The following FCN1 variants were observed in gnomAD, a reference collection of about 807,000 sequenced individuals.
The protein encoded by FCN1 is ficolin-1.
FCN1 carries 42 observed loss-of-function variants against 35.6 expected under a neutral mutation model. The ratio of observed to expected loss-of-function variants is 1.18; its 90% CI spans 0.92 to 1.53. The LOEUF (loss-of-function observed/expected upper bound fraction) is 1.53, where lower values mean the gene tolerates loss of function less well. FCN1 is among the 40% of genes most tolerant of loss of function. The probability of loss-of-function intolerance (pLI) is 0.00; values close to 1 mark genes in which losing one functional copy is unlikely to be tolerated. For synonymous variants in FCN1, 179 were observed against 169.8 expected (o/e 1.05, Z -0.42); for missense variants, 439 against 428.4 (o/e 1.02, Z -0.22).
In FCN1 at chr9:134,910,006, G is replaced by A. The variant is rs879636009; in HGVS notation, c.773C>T (p.Thr258Ile). 5 of 1,614,018 alleles carry A rather than the reference G, an allele frequency of 3.1e-6. No individual in the cohort carries two copies. The highest frequency in any genetic ancestry group is 1.3e-5 in the African/African-American group (1 of 74,886). ...LTGHNNNFFS[T>I]KDQDNDVSSS... ...ACTCACATCATTGTCTTGGTCTTTG[G>A]TGGAGAAGAAGTTGTTGTTGTGGCC... is the stretch of plus-strand genomic sequence containing the variant. Residue 258 changes from threonine (T) to isoleucine (I), a missense_variant, in exon 9 of 9, where the codon ACC becomes ATC. By Grantham distance (89) the Thr-to-Ile change is moderately conservative. Coordinates refer to ENST00000371806, the MANE Select transcript of FCN1 (RefSeq NM_002003.5).
At position 134,916,371 on chromosome 9, in the gene FCN1, T is replaced by A; in HGVS notation, c.194A>T (p.Glu65Val). 1 of 1,614,026 alleles carries A rather than the reference T, an allele frequency of 6.2e-7. No homozygotes were observed. Residue 65 changes from glutamate (E) to valine (V), a missense_variant, in exon 2 of 9, where the codon GAG becomes GTG. Physicochemically the swap from Glu to Val is moderately radical, Grantham distance 121. Transcript: ENST00000371806. ...ACCTCTCTCTCCAATGACACCTGCC[T>A]CTCCCTTTGGCCCTGGGGCCCCGGG... ...GLPGAPGPKG[E>V]AGVIGERGER...
intron 8 of FCN1, 145 bp downstream of exon 8, chr9:134,910,988 A>T: frequency 1.1e-6 from 1 of 872,890 alleles, no homozygotes; most frequent in Non-Finnish European, 1.8e-6. Context: ...CACGCTGTAC[A>T]GAGACACAAA....
Position 134,909,652 on chromosome 9 carries a change from G to A in FCN1, c.*146C>T, listed in dbSNP as rs769365850. The A allele has an allele frequency of 1.2e-5, 19 of 1,592,306 alleles. No homozygotes were observed. Among genetic ancestry groups the A allele is most frequent in the Middle Eastern group, 3.3e-4 (2 of 6,040 alleles). On this transcript the variant is annotated 3_prime_UTR_variant, in exon 9 of 9. Coordinates refer to ENST00000371806, the MANE Select transcript of FCN1 (RefSeq NM_002003.5). ...CCTCTGGTGAGGTTGTGGGCATGTG[G>A]CGGCTTGACTGAGCTGGGGGCAAAG... is the stretch of plus-strand genomic sequence containing the variant.
rs534855700 is a variant in FCN1 at position 134,909,136 on chromosome 9, G to A, written c.*662C>T. ...CTGTGTGTGGGAGGAAGGCCTCTTC[G>A]GAATCTTCTCTGTGCAGGTGGCTGA... On this transcript the variant is annotated 3_prime_UTR_variant, in exon 9 of 9. Transcript: ENST00000371806. The A allele has an allele frequency of 1.3e-5, 15 of 1,172,864 alleles. No homozygotes were observed. The African/African-American group carries it at 1.9e-4, about 15-fold the overall frequency. The allele number at this position is 1,172,864 out of a possible 1,614,324, so 72.7% of individuals were successfully genotyped here.
intron 4 of FCN1, among the ~76,000 whole-genome samples, 176 bp downstream of exon 4, chr9:134,914,209 G>A (rs545515451): frequency 9.8e-5 from 15 of 152,332 alleles, no homozygotes; most frequent in African/African-American, 3.1e-4. Context: ...GTAGACACCA[G>A]GGTTTGAGCC....
Position 134,904,928 on chromosome 9 carries a change from TG to T in FCN1, c.*4869del, listed in dbSNP as rs1830922662. On this transcript the variant is annotated 3_prime_UTR_variant, in exon 9 of 9. Coordinates refer to ENST00000371806, the MANE Select transcript of FCN1 (RefSeq NM_002003.5). Reference sequence around the variant, plus strand: ...AAATGTGGTAAAAATGAATACGGACTGCACAAAACAATACTAATAGCCATTT... The same window carrying T: ...AAATGTGGTAAAAATGAATACGGACTCACAAAACAATACTAATAGCCATTT... Among the ~76,000 whole-genome samples, 1 of 152,132 alleles carries T rather than the reference TG, an allele frequency of 6.6e-6. No individual in the cohort carries two copies. Among genetic ancestry groups the T allele is most frequent in the Non-Finnish European group, 1.5e-5 (1 of 68,028 alleles).
At position 134,916,253 on chromosome 9, in the gene FCN1, C is replaced by A. The variant is rs1379567268; in HGVS notation, c.217+95G>T. On this transcript the variant is annotated intron_variant, in intron 2 of 8. Transcript: ENST00000371806. ...ACCCAGGCTCTTGATCTAGGAACCACGGTGGGGGTGTTGCCCAACTCTGCA... is the reference window on the plus strand; with the variant it reads ...ACCCAGGCTCTTGATCTAGGAACCAAGGTGGGGGTGTTGCCCAACTCTGCA... The A allele has an allele frequency of 1.7e-5, 16 of 960,768 alleles. No individual in the cohort carries two copies. In the Admixed American group the frequency reaches 2.8e-4, roughly 17 times the overall value. The allele number at this position is 960,768 out of a possible 1,614,324, so 59.5% of individuals were successfully genotyped here.
chr9:134,916,591 G>A (rs962542828), intron 1 of FCN1, 130 bp from the exon 2 acceptor site: 16 of 912,842 alleles, frequency 1.8e-5, no homozygotes, highest in Middle Eastern at 3.2e-4. Flanking sequence ...TGTGATGGGG[G>A]GCAGAGCTCT....
intron 3 of FCN1, 27 bp downstream of exon 3, chr9:134,914,729 C>A (rs770392700): frequency 1.3e-6 from 2 of 1,586,314 alleles, no homozygotes; most frequent in Admixed American, 3.4e-5. Context: ...CTGCTCAAGG[C>A]CTCCTCGCTG....
rs539893739 is a variant in FCN1, at chr9:134,909,734, C to T, written c.*64G>A. 3.8e-5 allele frequency: 61 copies of T among 1,600,096 alleles called. No homozygotes were observed. Among genetic ancestry groups the T allele is most frequent in the East Asian group, 1.8e-4 (8 of 44,802 alleles). Reference sequence around the variant, plus strand: ...GGCTGGGGAAATGGGGTGACTTCCACGACGCAGCGCTTGTGGGTGTGGCCT... The same window carrying T: ...GGCTGGGGAAATGGGGTGACTTCCATGACGCAGCGCTTGTGGGTGTGGCCT... On this transcript the variant is annotated 3_prime_UTR_variant, in exon 9 of 9. Transcript: ENST00000371806.
At chr9:134,915,963 C>T (rs761317223) in intron 2 of FCN1, among the ~76,000 whole-genome samples, 4 of 152,208 alleles carry the variant, frequency 2.6e-5, no homozygotes, top group Admixed American at 6.5e-5. Context: ...CCTGTGACCT[C>T]TTTGAGTCTC....
At position 134,905,185 on chromosome 9, in the gene FCN1, G is replaced by A. The variant is rs1377653154; in HGVS notation, c.*4613C>T. On this transcript the variant is annotated 3_prime_UTR_variant, in exon 9 of 9. Coordinates refer to ENST00000371806, the MANE Select transcript of FCN1 (RefSeq NM_002003.5). ...TATAAGCTGATAGAGGAGGTGACGG[G>A]ATAATAAAAATATTCAACAAAGACG... is the stretch of plus-strand genomic sequence containing the variant. 6.6e-6 allele frequency among the ~76,000 whole-genome samples: 1 copy of A among 152,200 alleles called. No individual in the cohort carries two copies. The highest frequency in any genetic ancestry group is 1.5e-5 in the Non-Finnish European group (1 of 68,042).
Position 134,912,515 on chromosome 9 carries a change from T to C in FCN1, c.569A>G (p.Asn190Ser). 2.5e-6 allele frequency: 4 copies of C among 1,613,968 alleles called. No individual in the cohort carries two copies. Among genetic ancestry groups the C allele is most frequent in the Non-Finnish European group, 3.4e-6 (4 of 1,179,912 alleles). ...GGCAGTCAGGGCGTGGATGTTGTCATTCCCCAGCCAGAACTCCCCCAGCTG... is the reference window on the plus strand; with the variant it reads ...GGCAGTCAGGGCGTGGATGTTGTCACTCCCCAGCCAGAACTCCCCCAGCTG... Reference protein sequence around the residue: ...GSQLGEFWLGNDNIHALTAQG... With the variant: ...GSQLGEFWLGSDNIHALTAQG... Residue 190 changes from asparagine (N) to serine (S), a missense_variant, in exon 7 of 9, where the codon AAT (asparagine) becomes AGT (serine). Asn to Ser is a conservative substitution (Grantham distance 46, BLOSUM62 1). Coordinates refer to ENST00000371806, the MANE Select transcript of FCN1 (RefSeq NM_002003.5).
rs766259725 is a variant in FCN1, at chr9:134,913,123, G to T, written c.361C>A (p.Leu121Met). The change falls in exon 6 of 9, where the codon CTG (leucine) becomes ATG (methionine). Residue 121 changes from leucine to methionine, a missense_variant. Physicochemically the swap from Leu to Met is conservative, Grantham distance 15. Transcript: ENST00000371806. ...CATGPRNCKD[L>M]LDRGYFLSGW... ...CTCAGGAAATACCCCCGGTCTAGCAGGTCCTTGCAGTTGCGTGGGCCTGGG... is the reference window on the plus strand; with the variant it reads ...CTCAGGAAATACCCCCGGTCTAGCATGTCCTTGCAGTTGCGTGGGCCTGGG... 72 of 1,613,838 alleles carry T rather than the reference G, an allele frequency of 4.5e-5. No homozygotes were observed. The highest frequency in any genetic ancestry group is 5.9e-5 in the Non-Finnish European group (70 of 1,179,950).
Position 134,913,358 on chromosome 9 carries a change from A to T in FCN1, c.341-215T>A, listed in dbSNP as rs530690361. 7.9e-5 allele frequency among the ~76,000 whole-genome samples: 12 copies of T among 152,142 alleles called. No homozygotes were observed. The South Asian group carries it at 2.5e-3, about 32-fold the overall frequency. On this transcript the variant is annotated intron_variant, in intron 5 of 8. Transcript: ENST00000371806. ...CCTCCCACCTCCCAGTGTCTGCCCC[A>T]CCTTTGCCTCCTGGGCACCCGGCCT...
In FCN1 at chr9:134,909,981, A is replaced by G. The variant is rs756846531; in HGVS notation, c.798T>C (p.Ser266=). 2 of 1,613,718 alleles carry G rather than the reference A, an allele frequency of 1.2e-6. No individual in the cohort carries two copies. The highest frequency in any genetic ancestry group is 2.2e-5 in the East Asian group (1 of 44,844). The change falls in exon 9 of 9, where the codon AGT becomes AGC. Residue 266 remains serine, a synonymous_variant. Coordinates refer to ENST00000371806, the MANE Select transcript of FCN1 (RefSeq NM_002003.5). ...GGAACTTCTCAGCACAATTCGAAGAACTCACATCATTGTCTTGGTCTTTGG... is the reference window on the plus strand; with the variant it reads ...GGAACTTCTCAGCACAATTCGAAGAGCTCACATCATTGTCTTGGTCTTTGG... ...FSTKDQDNDV[S]SSNCAEKFQG...
chr9:134,917,363 AG>A (rs770048655), intron 1 of FCN1, among the ~76,000 whole-genome samples: 28 of 152,148 alleles, frequency 1.8e-4, no homozygotes, highest in Non-Finnish European at 3.2e-4. Flanking sequence ...ACTCTCTTGG[AG>A]GAGAGCCAGA....
chr9:134,911,810 T>C (rs1033788062), intron 7 of FCN1, among the ~76,000 whole-genome samples: 2 of 152,252 alleles, frequency 1.3e-5, no homozygotes, highest in Non-Finnish European at 2.9e-5. Context: ...CATGCCCCAC[T>C]GGAGTTCACT....
chr9:134,916,524 T>C (rs1466033414), intron 1 of FCN1, 63 bp from the exon 2 acceptor site: 3 of 1,486,118 alleles, frequency 2.0e-6, no homozygotes, highest in Admixed American at 1.7e-5. Context: ...AGTGAGGTTT[T>C]CTGCTCTGCT....
Sources: allele counts gnomAD v4.1 joint callset (sites outside exome capture counted in the v4.1 genomes callset), GRCh38; gene constraint gnomAD v4.1.1; transcripts MANE v1.5; gene names NCBI Gene and HGNC (gene_info 2026-07-23, HGNC 2026-07-21).